Variants in ZFHX3 observed in about 807,000 individuals in gnomAD.
ZFHX3 encodes zinc finger homeobox protein 3.
ZFHX3 carries 42 observed loss-of-function variants against 279.1 expected under a neutral mutation model. The observed-to-expected ratio is 0.15, with a 90% confidence interval of 0.12 to 0.19. The LOEUF is 0.19. Among genes scored for constraint, ZFHX3 ranks in the 10% least tolerant of loss-of-function variants. The pLI is 1.00. For missense variants in ZFHX3, 4,981 were observed against 4,754.0 expected (o/e 1.05, Z -1.40); for synonymous variants, 2,293 against 1,957.8 (o/e 1.17, Z -4.52).
At chr16:73,659,282 T>G (rs1306240525) in intron 2 of ZFHX3, among the ~76,000 whole-genome samples, 1 of 152,122 alleles carries the variant, frequency 6.6e-6, no homozygotes, top group African/African-American at 2.4e-5. Context: ...TGTACATACG[T>G]GCAAAAACAA....
chr16:73,001,496 A>T (rs894101956), intron 1 of ZFHX3, among the ~76,000 whole-genome samples: 13 of 152,112 alleles, frequency 8.5e-5, no homozygotes, highest in African/African-American at 3.1e-4. Flanking sequence ...ATAACAATAC[A>T]CATCTCCATT....
At chr16:73,029,497 C>T (rs1015795515) in intron 1 of ZFHX3, among the ~76,000 whole-genome samples, 3 of 152,142 alleles carry the variant, frequency 2.0e-5, no homozygotes, top group Non-Finnish European at 2.9e-5. Context: ...GTGAGTGATG[C>T]CACAGGTAGA....
intron 4 of ZFHX3, among the ~76,000 whole-genome samples, chr16:73,292,566 T>A (rs999397450): frequency 2.0e-5 from 3 of 152,210 alleles, no homozygotes; most frequent in Non-Finnish European, 4.4e-5. Context: ...TGAAAAAGGA[T>A]CTTTTATGTC....
Position 72,788,757 on chromosome 16 carries a change from C to G in ZFHX3, c.9519G>C (p.Pro3173=), listed in dbSNP as rs200352144. ...GLPTSGLPNK[P]SSASLSSPTP... is the part of the protein sequence containing the mutation. ...TTGGGGAGCTCAGCGACGCTGAGGA[C>G]GGTTTATTTGGTAATCCAGAAGTGG... Residue 3173 remains proline (P), a synonymous_variant, in exon 10 of 10, where the codon CCG becomes CCC. Transcript: ENST00000268489. 1 of 1,576,088 alleles carries G rather than the reference C, an allele frequency of 6.3e-7. No homozygotes were observed. The highest frequency in any genetic ancestry group is 1.2e-5 in the South Asian group (1 of 83,814).
At chr16:73,234,220 A>G (rs528567520) in intron 5 of ZFHX3, among the ~76,000 whole-genome samples, 1 of 152,286 alleles carries the variant, frequency 6.6e-6, no homozygotes, top group African/African-American at 2.4e-5. Flanking sequence ...ACAGTCACCC[A>G]TCCCTGGACT....
At chr16:73,034,616 T>C (rs12373097) in intron 1 of ZFHX3, among the ~76,000 whole-genome samples, 30,822 of 152,160 alleles carry the variant, frequency 0.2, 3,298 homozygotes, top group Middle Eastern at 0.3. Context: ...AGAGGCTCCC[T>C]GCAGCCCTGT....
At chr16:73,817,726 T>C (rs1326134586) in intron 1 of ZFHX3, among the ~76,000 whole-genome samples, 1 of 152,222 alleles carries the variant, frequency 6.6e-6, no homozygotes, top group Non-Finnish European at 1.5e-5. Flanking sequence ...CTGGACATTG[T>C]TCTGGGAACC....
At chr16:73,202,421 G>A (rs1016855488) in intron 5 of ZFHX3, among the ~76,000 whole-genome samples, 9 of 152,316 alleles carry the variant, frequency 5.9e-5, no homozygotes, top group Middle Eastern at 3.4e-3. Flanking sequence ...CTCACCCAGG[G>A]TGAATAGCTC....
chr16:72,870,901 T>C (rs578223367), intron 4 of ZFHX3, among the ~76,000 whole-genome samples: 115 of 152,266 alleles, frequency 7.6e-4, no homozygotes, highest in Non-Finnish European at 1.5e-3. Flanking sequence ...TTATGTAAAA[T>C]ATCTTTGTTC....
chr16:73,418,872 C>T (rs2017655185), intron 3 of ZFHX3, among the ~76,000 whole-genome samples: 1 of 152,200 alleles, frequency 6.6e-6, no homozygotes, highest in Non-Finnish European at 1.5e-5. Context: ...CACGTCCTCC[C>T]TGATTTCTGT....
At chr16:73,634,401 C>T (rs556384058) in intron 2 of ZFHX3, among the ~76,000 whole-genome samples, 9 of 144,796 alleles carry the variant, frequency 6.2e-5, no homozygotes, top group East Asian at 4.0e-4. Context: ...TATATAGTCA[C>T]GGAGAAGGCA....
intron 1 of ZFHX3, among the ~76,000 whole-genome samples, chr16:73,681,214 G>A (rs932004506): frequency 6.6e-6 from 1 of 152,086 alleles, no homozygotes; most frequent in Non-Finnish European, 1.5e-5. Flanking sequence ...ACAAATTAAG[G>A]CAACATGGGA....
At chr16:73,104,673 C>G (rs1444568145) in intron 7 of ZFHX3, among the ~76,000 whole-genome samples, 1 of 152,172 alleles carries the variant, frequency 6.6e-6, no homozygotes, top group Admixed American at 6.5e-5. Context: ...GTAATGGGAA[C>G]ACACAGGGTC....
intron 2 of ZFHX3, among the ~76,000 whole-genome samples, chr16:73,600,302 C>A (rs1466523051): frequency 6.6e-6 from 1 of 152,092 alleles, no homozygotes; most frequent in African/African-American, 2.4e-5. Context: ...GTACCTGGGA[C>A]ATCACCAAGA....
chr16:73,845,636 G>C (rs1961431227), intron 1 of ZFHX3, among the ~76,000 whole-genome samples: 1 of 151,972 alleles, frequency 6.6e-6, no homozygotes, highest in African/African-American at 2.4e-5. Context: ...CTGATGCTGT[G>C]TCACTCGATT....
At chr16:73,476,073 C>T (rs563190429) in intron 2 of ZFHX3, among the ~76,000 whole-genome samples, 84 of 152,204 alleles carry the variant, frequency 5.5e-4, no homozygotes, top group African/African-American at 1.9e-3. Flanking sequence ...TTAATTTGTT[C>T]GGTTCTTTTC....
At chr16:73,713,216 C>A (rs992921566) in intron 1 of ZFHX3, among the ~76,000 whole-genome samples, 2 of 152,160 alleles carry the variant, frequency 1.3e-5, no homozygotes, top group Non-Finnish European at 2.9e-5. Context: ...AACTCACTAC[C>A]AGCCAAGCTT....
rs559087272 is a variant in ZFHX3 at position 72,925,596 on chromosome 16, T to A, written c.3216+24873A>T. On this transcript the variant is annotated intron_variant, in intron 3 of 9. Coordinates refer to ENST00000268489, the MANE Select transcript of ZFHX3 (RefSeq NM_006885.4). ...CAGGCAGCCCATACCTGTGTCCACT[T>A]AACCCCGTCCCGTGTCTTTCCCTTA... 2.0e-5 allele frequency among the ~76,000 whole-genome samples: 3 copies of A among 152,378 alleles called. No homozygotes were observed. The East Asian group carries it at 5.8e-4, about 29-fold the overall frequency.
rs545262420 is a variant in ZFHX3 at position 73,758,253 on chromosome 16, CAT to C, written c.-1607-78015_-1607-78014del. ...CTAGAAATTCATTCATTCATTCATT[CAT>C]TCATTCAACAGATATTAAATACCGA... is the stretch of plus-strand genomic sequence containing the variant. On this transcript the variant is annotated intron_variant, in intron 1 of 17. Transcript: ENST00000641206. 1.5e-3 allele frequency among the ~76,000 whole-genome samples: 235 copies of C among 152,200 alleles called. 2 individuals carry two copies. Among genetic ancestry groups the C allele is most frequent in the African/African-American group, 5.3e-3 (222 of 41,544 alleles).
Sources: allele counts gnomAD v4.1 joint callset (sites outside exome capture counted in the v4.1 genomes callset), GRCh38; gene constraint gnomAD v4.1.1; transcripts MANE v1.5; gene names NCBI Gene and HGNC (gene_info 2026-07-23, HGNC 2026-07-21).